The following DDX10 variants were observed in gnomAD, a reference collection of about 807,000 sequenced individuals.
DDX10 encodes the protein DEAD-box helicase 10, also known as probable ATP-dependent RNA helicase DDX10.
DDX10 carries 74 observed loss-of-function variants against 104.3 expected under a neutral mutation model. That is an observed-to-expected ratio of 0.71 (90% CI 0.59 to 0.86). The LOEUF (loss-of-function observed/expected upper bound fraction) is 0.86. DDX10 is among the 40% of genes least tolerant of loss of function. DDX10 has a pLI of 0.00. For synonymous variants in DDX10, 351 were observed against 353.4 expected (o/e 0.99, Z 0.08); for missense variants, 952 against 1,040.0 (o/e 0.92, Z 1.16).
chr11:108,716,209 C>T (rs780832489), intron 11 of DDX10, among the ~76,000 whole-genome samples: 2 of 152,148 alleles, frequency 1.3e-5, no homozygotes, highest in East Asian at 1.9e-4. Context: ...GATTCTTGTG[C>T]CTCAGCCTCC....
intron 8 of DDX10, among the ~76,000 whole-genome samples, chr11:108,692,352 T>C (rs1010178288): frequency 6.6e-6 from 1 of 152,210 alleles, no homozygotes; most frequent in Non-Finnish European, 1.5e-5. Context: ...ATTGGAAACT[T>C]GTTTATAGAT....
chr11:108,710,794 G>A (rs2134465212), intron 10 of DDX10, among the ~76,000 whole-genome samples: 1 of 152,310 alleles, frequency 6.6e-6, no homozygotes, highest in African/African-American at 2.4e-5. Flanking sequence ...CATGAGTAAT[G>A]TATTGCCCTA....
Position 108,940,735 on chromosome 11 carries a change from T to A in DDX10, c.*312T>A. 3.8e-6 allele frequency: 1 copy of A among 265,394 alleles called. No homozygotes were observed. The highest frequency in any genetic ancestry group is 7.2e-6 in the Non-Finnish European group (1 of 138,728). The allele number at this position is 265,394 out of a possible 1,614,324, so 16.4% of individuals were successfully genotyped here. ...ACACTGCCTTTGTCTTACTGGCAAG[T>A]TCTGGAGCTCTTGTGTCATTGTTAG... On this transcript the variant is annotated 3_prime_UTR_variant, in exon 18 of 18. Transcript: ENST00000322536.
chr11:108,911,298 AT>A (rs1863674275), intron 16 of DDX10, among the ~76,000 whole-genome samples: 1 of 152,154 alleles, frequency 6.6e-6, no homozygotes, highest in Non-Finnish European at 1.5e-5. Flanking sequence ...AATACCTTAG[AT>A]TGGGGGTAAT....
At chr11:108,849,907 AT>A (rs1375877171) in intron 15 of DDX10, among the ~76,000 whole-genome samples, 3 of 151,910 alleles carry the variant, frequency 2.0e-5, no homozygotes, top group African/African-American at 7.3e-5. Context: ...TTAGAAAATT[AT>A]TTTTTTCCTA....
At chr11:108,876,927 C>A (rs1244422350) in intron 16 of DDX10, among the ~76,000 whole-genome samples, 1 of 152,036 alleles carries the variant, frequency 6.6e-6, no homozygotes, top group Non-Finnish European at 1.5e-5. Flanking sequence ...AGATAAAAGT[C>A]AAAAACCTCC....
intron 13 of DDX10, among the ~76,000 whole-genome samples, chr11:108,805,461 C>CTA (rs1862085117): frequency 6.6e-6 from 1 of 152,206 alleles, no homozygotes; most frequent in Non-Finnish European, 1.5e-5. Context: ...TAAGCATATA[C>CTA]AGAAGATAAT....
At chr11:108,899,777 C>T (rs913430729) in intron 16 of DDX10, among the ~76,000 whole-genome samples, 3 of 152,002 alleles carry the variant, frequency 2.0e-5, no homozygotes, top group East Asian at 1.9e-4. Context: ...GTGCTGTCCT[C>T]GCAATAGTGA....
rs1472808064 is a variant in DDX10, at chr11:108,679,573, T to A, written c.848+13T>A. On this transcript the variant is annotated intron_variant, in intron 6 of 17. Transcript: ENST00000322536. The stretch of plus-strand genomic sequence containing the variant: ...AAGCAAAATATAGGTATGTACTCTT[T>A]GAGTCAATCAAGATAAATGTTTTTT... 6.5e-7 allele frequency: 1 copy of A among 1,537,078 alleles called. No individual in the cohort carries two copies. The highest frequency in any genetic ancestry group is 1.4e-5 in the African/African-American group (1 of 71,896).
chr11:108,845,026 C>G (rs1862694658), intron 15 of DDX10, among the ~76,000 whole-genome samples: 2 of 151,958 alleles, frequency 1.3e-5, no homozygotes, highest in African/African-American at 4.8e-5. Flanking sequence ...GAAACCCCAT[C>G]TCTACTAAAA....
At chr11:108,788,375 T>C (rs1006810580) in intron 13 of DDX10, among the ~76,000 whole-genome samples, 1 of 152,156 alleles carries the variant, frequency 6.6e-6, no homozygotes, top group African/African-American at 2.4e-5. Flanking sequence ...TTTTTTTTCT[T>C]TTTTGAGCTG....
intron 16 of DDX10, among the ~76,000 whole-genome samples, chr11:108,888,567 C>G (rs767634806): frequency 6.6e-6 from 1 of 152,128 alleles, no homozygotes; most frequent in African/African-American, 2.4e-5. Context: ...AACTTCTCTG[C>G]GCACACAGAC....
chr11:108,747,207 A>G (rs1339858183), intron 13 of DDX10, among the ~76,000 whole-genome samples: 1 of 152,150 alleles, frequency 6.6e-6, no homozygotes, highest in African/African-American at 2.4e-5. Flanking sequence ...CACTTAAAAA[A>G]TTATTTTTTG....
chr11:108,932,899 C>CT (rs1243690310), intron 17 of DDX10, among the ~76,000 whole-genome samples: 1 of 151,932 alleles, frequency 6.6e-6, no homozygotes, highest in Non-Finnish European at 1.5e-5. Flanking sequence ...CACCCTGAGT[C>CT]TAAAGTCCAG....
Position 108,665,166 on chromosome 11 carries a change from G to T in DDX10, c.13G>T (p.Ala5Ser), listed in dbSNP as rs765068012. Residue 5 changes from alanine (A) to serine (S), a missense_variant, in exon 1 of 18, where the codon GCC (alanine) becomes TCC (serine). Coordinates refer to ENST00000322536, the MANE Select transcript of DDX10 (RefSeq NM_004398.4). MGKTANSPGSGARPD... is the reference protein window; with the variant it reads MGKTSNSPGSGARPD... ...CGCCGCCGCCGCAATGGGCAAAACG[G>T]CCAACTCTCCGGGTTCGGGAGCCCG... is the stretch of plus-strand genomic sequence containing the variant. 2.5e-6 allele frequency: 4 copies of T among 1,608,716 alleles called. No homozygotes were observed. Among genetic ancestry groups the T allele is most frequent in the Admixed American group, 1.7e-5 (1 of 58,594 alleles).
chr11:108,874,499 C>G (rs1863124509), intron 16 of DDX10, among the ~76,000 whole-genome samples: 1 of 152,028 alleles, frequency 6.6e-6, no homozygotes, highest in African/African-American at 2.4e-5. Context: ...AGAGAGTTAT[C>G]CGTTAGCATG....
chr11:108,926,935 T>G (rs537095744), intron 17 of DDX10, among the ~76,000 whole-genome samples: 1 of 152,296 alleles, frequency 6.6e-6, no homozygotes, highest in East Asian at 1.9e-4. Context: ...GAAGGAGAGT[T>G]TTATACAAAT....
intron 17 of DDX10, among the ~76,000 whole-genome samples, chr11:108,937,466 C>G (rs1864051376): frequency 6.6e-6 from 1 of 152,148 alleles, no homozygotes; most frequent in South Asian, 2.1e-4. Context: ...AACTCAATTA[C>G]AAATAAAAAT....
At chr11:108,704,276 C>T (rs1054344550) in intron 9 of DDX10, among the ~76,000 whole-genome samples, 2 of 152,054 alleles carry the variant, frequency 1.3e-5, no homozygotes, top group Non-Finnish European at 2.9e-5. Flanking sequence ...ATTTGTGGGC[C>T]TATTTATTTC....
Sources: gnomAD v4.1 joint callset for allele counts (sites outside exome capture counted in the v4.1 genomes callset) on GRCh38, gnomAD v4.1.1 for gene constraint, MANE v1.5 for transcripts, NCBI Gene and HGNC (gene_info 2026-07-23, HGNC 2026-07-21) for gene names.